Variants in KIRREL3 observed in about 807,000 individuals in gnomAD.
The protein encoded by KIRREL3 is kin of IRRE-like protein 3.
In KIRREL3, 36 loss-of-function variants were observed where a neutral mutation model predicts 89.7. The observed-to-expected ratio is 0.40, with a 90% confidence interval of 0.31 to 0.53. The LOEUF is 0.53. Ranked by LOEUF, KIRREL3 falls within the 20% of genes least tolerant of loss-of-function variation. KIRREL3 has a pLI of 0.49. For synonymous variants in KIRREL3, 445 were observed against 441.4 expected (o/e 1.01, Z -0.10); for missense variants, 864 against 1,056.6 (o/e 0.82, Z 2.53).
At chr11:126,494,840 G>C (rs143464156) in intron 4 of KIRREL3, among the ~76,000 whole-genome samples, 2,948 of 152,336 alleles carry the variant, frequency 0.019, 101 homozygotes, top group African/African-American at 0.067. Context: ...GAGGCCCACA[G>C]ACAGAGACGG....
At chr11:126,762,170 C>CTAAATAA (rs67128868) in intron 1 of KIRREL3, among the ~76,000 whole-genome samples, 5,770 of 151,242 alleles carry the variant, frequency 0.038, 125 homozygotes, top group African/African-American at 0.046. Flanking sequence ...GTGAGACTGT[C>CTAAATAA]ATAAATAAAT....
rs1013401182 is a variant in KIRREL3, at chr11:126,909,530, C to T, written c.55+90925G>A. Among the ~76,000 whole-genome samples, 1 of 152,162 alleles carries T rather than the reference C, an allele frequency of 6.6e-6. No homozygotes were observed. Among genetic ancestry groups the T allele is most frequent in the Non-Finnish European group, 1.5e-5 (1 of 68,034 alleles). ...TGAGAGAGTGCTCTGAGTTGAGATACACCGCCCACAATACACCCCGTGGGT... is the reference window on the plus strand; with the variant it reads ...TGAGAGAGTGCTCTGAGTTGAGATATACCGCCCACAATACACCCCGTGGGT... On this transcript the variant is annotated intron_variant, in intron 1 of 16. Transcript: ENST00000525144. This position sits in a 1 kb window ranked among gnomAD's most constrained non-coding sequence, Gnocchi z 4.5.
chr11:126,888,968 C>T (rs545901080), intron 1 of KIRREL3, among the ~76,000 whole-genome samples: 7 of 152,288 alleles, frequency 4.6e-5, no homozygotes, highest in East Asian at 1.9e-4. Flanking sequence ...CCACAGTCCA[C>T]GGAGATTAAG....
chr11:126,450,347 G>GT (rs775830319), intron 7 of KIRREL3, among the ~76,000 whole-genome samples: 59 of 151,444 alleles, frequency 3.9e-4, no homozygotes, highest in South Asian at 8.3e-4. Context: ...GGGCATGTGT[G>GT]TCCATGTGCA....
chr11:126,979,102 G>T (rs774989185), intron 1 of KIRREL3, among the ~76,000 whole-genome samples: 5 of 152,084 alleles, frequency 3.3e-5, no homozygotes, highest in Non-Finnish European at 7.3e-5. Flanking sequence ...GAATTCACCC[G>T]GAACAAAAGA....
In KIRREL3 at chr11:126,753,387, C is replaced by A. The variant is rs148434901; in HGVS notation, c.56-190475G>T. The stretch of plus-strand genomic sequence containing the variant: ...CAAGGAGCCACTTTGTTCCATCCTG[C>A]ACTACTGGGATGTAGACGGCCCCCT... On this transcript the variant is annotated intron_variant, in intron 1 of 16. Coordinates refer to ENST00000525144, the MANE Select transcript of KIRREL3 (RefSeq NM_032531.4). Among the ~76,000 whole-genome samples, 589 of 152,308 alleles carry A rather than the reference C, an allele frequency of 3.9e-3. 4 individuals carry two copies. Among genetic ancestry groups the A allele is most frequent in the African/African-American group, 0.014 (572 of 41,560 alleles).
chr11:126,943,155 C>T lies in KIRREL3; in HGVS notation c.55+57300G>A, dbSNP rs1391543129. Among the ~76,000 whole-genome samples, 3 of 152,234 alleles carry T rather than the reference C, an allele frequency of 2.0e-5. No homozygotes were observed. The highest frequency in any genetic ancestry group is 2.9e-5 in the Non-Finnish European group (2 of 68,044). ...ATCAGTGCCATAGGCCTGGGTGCTG[C>T]TCCTGCTCCACTGGGGCCTTCTCTT... is the stretch of plus-strand genomic sequence containing the variant. On this transcript the variant is annotated intron_variant, in intron 1 of 16. Transcript: ENST00000525144. The surrounding 1 kb of genome is among the most constrained non-coding windows in gnomAD (Gnocchi z 4.2).
rs1205227222 is a variant in KIRREL3 at position 126,995,979 on chromosome 11, G to C, written c.55+4476C>G. On this transcript the variant is annotated intron_variant, in intron 1 of 16. Coordinates refer to ENST00000525144, the MANE Select transcript of KIRREL3 (RefSeq NM_032531.4). This position sits in a 1 kb window ranked among gnomAD's most constrained non-coding sequence, Gnocchi z 6.5. ...AATCCTCCTCTGTACACCCAAGAGG[G>C]GGACCCCATGGTATCCTCTTAGAGC... Among the ~76,000 whole-genome samples the C allele has an allele frequency of 6.6e-6, 1 of 152,090 alleles. No individual in the cohort carries two copies. Among genetic ancestry groups the C allele is most frequent in the East Asian group, 1.9e-4 (1 of 5,182 alleles).
Position 126,682,109 on chromosome 11 carries a change from C to T in KIRREL3, c.56-119197G>A, listed in dbSNP as rs1416655773. ...AAATATTCCTCCCTCCTGTGACCAC[C>T]GAAAAGGTCATATTTAGGACCTGGG... On this transcript the variant is annotated intron_variant, in intron 1 of 16. Coordinates refer to ENST00000525144, the MANE Select transcript of KIRREL3 (RefSeq NM_032531.4). This position sits in a 1 kb window ranked among gnomAD's most constrained non-coding sequence, Gnocchi z 4.8. 6.6e-5 allele frequency: 22 copies of T among 333,476 alleles called. No homozygotes were observed. Among genetic ancestry groups the T allele is most frequent in the Admixed American group, 6.3e-4 (16 of 25,266 alleles). The allele number at this position is 333,476 out of a possible 1,614,324, so 20.7% of individuals were successfully genotyped here.
chr11:126,548,569 G>A (rs997819916), intron 2 of KIRREL3, among the ~76,000 whole-genome samples: 14 of 152,208 alleles, frequency 9.2e-5, no homozygotes, highest in Non-Finnish European at 1.8e-4. Context: ...AGCAGGTTTG[G>A]GGTCCCCCCA....
intron 4 of KIRREL3, among the ~76,000 whole-genome samples, chr11:126,494,456 A>G (rs1176440503): frequency 1.3e-5 from 2 of 152,294 alleles, no homozygotes; most frequent in South Asian, 2.1e-4. Flanking sequence ...TGCAGGGTCT[A>G]TTGTGACTTG....
In KIRREL3 at chr11:126,527,954, A is replaced by G. The variant is rs542347723; in HGVS notation, c.134-1267T>C. On this transcript the variant is annotated intron_variant, in intron 2 of 16. Transcript: ENST00000525144. This position sits in a 1 kb window ranked among gnomAD's most constrained non-coding sequence, Gnocchi z 4.2. ...TTGACATTCGCTGAGCATCTGGCCC[A>G]CAGTACAACCAGTACTTCATACAAC... 6.6e-6 allele frequency among the ~76,000 whole-genome samples: 1 copy of G among 152,344 alleles called. No homozygotes were observed. The highest frequency in any genetic ancestry group is 2.4e-5 in the African/African-American group (1 of 41,576).
At chr11:126,961,078 C>A (rs1419047866) in intron 1 of KIRREL3, among the ~76,000 whole-genome samples, 1 of 152,118 alleles carries the variant, frequency 6.6e-6, no homozygotes, top group Non-Finnish European at 1.5e-5. Flanking sequence ...CCTCAACCAG[C>A]CATTTCTCAT....
At chr11:126,616,968 T>A (rs1303177898) in intron 1 of KIRREL3, among the ~76,000 whole-genome samples, 1 of 152,258 alleles carries the variant, frequency 6.6e-6, no homozygotes, top group Non-Finnish European at 1.5e-5. Context: ...GACTAAATTA[T>A]AAGTGAAAGC....
At chr11:126,888,692 G>A (rs892831752) in intron 1 of KIRREL3, among the ~76,000 whole-genome samples, 20 of 152,104 alleles carry the variant, frequency 1.3e-4, no homozygotes, top group African/African-American at 4.8e-4. Context: ...ACCAGGTGAC[G>A]CCGCTCGAGG....
intron 4 of KIRREL3, among the ~76,000 whole-genome samples, chr11:126,514,283 A>ATTGT (rs1169209152): frequency 6.6e-6 from 1 of 152,190 alleles, no homozygotes; most frequent in Admixed American, 6.5e-5. Flanking sequence ...TGCAGGAAAC[A>ATTGT]GCCACATAGC....
At position 126,558,547 on chromosome 11, in the gene KIRREL3, G is replaced by A. The variant is rs549939194; in HGVS notation, c.133+4288C>T. Among the ~76,000 whole-genome samples the A allele has an allele frequency of 2.0e-5, 3 of 152,250 alleles. No individual in the cohort carries two copies. The highest frequency in any genetic ancestry group is 2.1e-4 in the South Asian group (1 of 4,816). On this transcript the variant is annotated intron_variant, in intron 2 of 16. Transcript: ENST00000525144. The surrounding 1 kb of genome is among the most constrained non-coding windows in gnomAD (Gnocchi z 4.0). ...CTTCCAGCCACTTCATATGGGCCCC[G>A]GGCAAGTTGCTGCATGCTCTTGGGC...
rs1950643443 is a variant in KIRREL3, at chr11:126,791,648, A to G, written c.55+208807T>C. The stretch of plus-strand genomic sequence containing the variant: ...GCCCATAGCCAGGGGTCAGCCATCC[A>G]GGCCACAGGGTCCAGGGGCCCAGAT... On this transcript the variant is annotated intron_variant, in intron 1 of 16. Coordinates refer to ENST00000525144, the MANE Select transcript of KIRREL3 (RefSeq NM_032531.4). The surrounding 1 kb of genome is among the most constrained non-coding windows in gnomAD (Gnocchi z 4.8). Among the ~76,000 whole-genome samples the G allele has an allele frequency of 6.6e-6, 1 of 152,234 alleles. No individual in the cohort carries two copies. The highest frequency in any genetic ancestry group is 2.4e-5 in the African/African-American group (1 of 41,466).
intron 1 of KIRREL3, among the ~76,000 whole-genome samples, chr11:126,711,571 C>CA (rs1376438115): frequency 6.6e-6 from 1 of 152,158 alleles, no homozygotes; most frequent in East Asian, 1.9e-4. Context: ...CAAAAAAACC[C>CA]AAAAAACAAC....
Sources: gnomAD v4.1 joint callset for allele counts (sites outside exome capture counted in the v4.1 genomes callset) on GRCh38, gnomAD v4.1.1 for gene constraint, Gnocchi (gnomAD v3.1) non-coding constraint, MANE v1.5 for transcripts, NCBI Gene and HGNC (gene_info 2026-07-23, HGNC 2026-07-21) for gene names.